The following WDR47 variants were observed in gnomAD, a reference collection of about 807,000 sequenced individuals.
WDR47 encodes WD repeat domain 47.
Under a neutral mutation model 97.2 loss-of-function variants are expected in WDR47, and 32 were observed. That is an observed-to-expected ratio of 0.33 (90% CI 0.25 to 0.44). The LOEUF is 0.44. Among genes scored for constraint, WDR47 ranks in the 20% least tolerant of loss-of-function variants. The pLI is 1.00. For missense variants in WDR47, 782 were observed against 1,102.3 expected (o/e 0.71, Z 4.11); for synonymous variants, 375 against 373.5 (o/e 1.00, Z -0.05).
At chr1:108,982,457 A>G in intron 12 of WDR47, 152 bp downstream of exon 12, 1 of 830,232 alleles carries the variant, frequency 1.2e-6, no homozygotes, top group Non-Finnish European at 1.8e-6. Context: ...ACTTGACCTC[A>G]GGAGGTTGAG....
At chr1:108,988,702 C>G (rs1010925496) in intron 9 of WDR47, among the ~76,000 whole-genome samples, 3 of 151,950 alleles carry the variant, frequency 2.0e-5, no homozygotes, top group African/African-American at 7.2e-5. Context: ...AATAAATAAA[C>G]AAACATCCCT....
intron 1 of WDR47, among the ~76,000 whole-genome samples, chr1:109,034,771 T>C (rs1354333301): frequency 6.6e-6 from 1 of 152,198 alleles, no homozygotes; most frequent in Non-Finnish European, 1.5e-5. Flanking sequence ...AACCAGTACC[T>C]GGTGCCAAAA....
At chr1:108,982,550 G>GA (rs1228252017) in intron 12 of WDR47, 59 bp downstream of exon 12, 46 of 1,523,690 alleles carry the variant, frequency 3.0e-5, no homozygotes, top group South Asian at 5.3e-5. Context: ...ATGCAGAGAG[G>GA]AAAAAAAAGC....
In WDR47 at chr1:108,971,068, A is replaced by C. The variant is rs112609892; in HGVS notation, c.*362T>G. On this transcript the variant is annotated 3_prime_UTR_variant, in exon 15 of 15. Transcript: ENST00000369962. Reference sequence around the variant, plus strand: ...AATAATATAGTTGAAGTATAATTCCATTTCAATGTGCATATAAAACTGTTA... The same window carrying C: ...AATAATATAGTTGAAGTATAATTCCCTTTCAATGTGCATATAAAACTGTTA... The C allele has an allele frequency of 5.8e-4, 101 of 173,352 alleles. No homozygotes were observed. Among genetic ancestry groups the C allele is most frequent in the Middle Eastern group, 2.7e-3 (1 of 372 alleles). 10.7% of individuals were successfully genotyped at this position (173,352 alleles called of 1,614,324 possible). A position where few individuals can be genotyped will look rare whatever the true frequency, so the allele number is the denominator to read the frequency against.
In WDR47 at chr1:109,031,447, A is replaced by G. The variant is rs1301419293; in HGVS notation, c.-9-7926T>C. On this transcript the variant is annotated intron_variant, in intron 1 of 14. Coordinates refer to ENST00000369962, the MANE Select transcript of WDR47 (RefSeq NM_001142551.2). ...TTGGTGATACTGGTTGTATCCTAGA[A>G]GGAAAACTAGATAAGAATAGAAATG... Among the ~76,000 whole-genome samples the G allele has an allele frequency of 1.4e-5, 2 of 139,722 alleles. 1 individual carries two copies. Among genetic ancestry groups the G allele is most frequent in the Non-Finnish European group, 3.2e-5 (2 of 62,828 alleles). The allele number at this position is 139,722 out of a possible 152,430, so 91.7% of individuals were successfully genotyped here. A position where few individuals can be genotyped will look rare whatever the true frequency, so the allele number is the denominator to read the frequency against.
At position 109,017,576 on chromosome 1, in the gene WDR47, C is replaced by T; in HGVS notation, c.184G>A (p.Asp62Asn). 5.6e-6 allele frequency: 9 copies of T among 1,612,168 alleles called. No individual in the cohort carries two copies. Among genetic ancestry groups the T allele is most frequent in the South Asian group, 1.1e-5 (1 of 90,618 alleles). Reference sequence around the variant, plus strand: ...GGCTGAATGAACTGAAGAACTTCATCCCATTGACCATCAAGTATTAGCTGC... The same window carrying T: ...GGCTGAATGAACTGAAGAACTTCATTCCATTGACCATCAAGTATTAGCTGC... ...LRQLILDGQWDEVLQFIQPLE... is the reference protein window; with the variant it reads ...LRQLILDGQWNEVLQFIQPLE... Residue 62 changes from aspartate (D) to asparagine (N), a missense_variant, in exon 3 of 15, where the codon GAT becomes AAT. Asp to Asn is a conservative substitution (Grantham distance 23). This residue lies in a region of WDR47 where 428 missense variants were observed against 584.3 expected (regional missense o/e 0.73). Coordinates refer to ENST00000369962, the MANE Select transcript of WDR47 (RefSeq NM_001142551.2).
rs775736515 is a variant in WDR47 at position 108,995,844 on chromosome 1, A to G, written c.1434-7T>C. ...ACCAAGCTTTTGAATGGACCTATAA[A>G]ATTAAACAATGTAATCATTTTAAAA... On this transcript the variant is annotated splice_polypyrimidine_tract_variant and splice_region_variant and intron_variant, in intron 7 of 14. Transcript: ENST00000369962. The G allele has an allele frequency of 6.2e-7, 1 of 1,610,788 alleles. No individual in the cohort carries two copies. Among genetic ancestry groups the G allele is most frequent in the South Asian group, 1.1e-5 (1 of 90,732 alleles).
At position 108,970,374 on chromosome 1, in the gene WDR47, CTATT is replaced by C. The variant is rs1181509224; in HGVS notation, c.*1052_*1055del. 1 of 152,142 alleles carries C rather than the reference CTATT, an allele frequency of 6.6e-6. No individual in the cohort carries two copies. Among genetic ancestry groups the C allele is most frequent in the Non-Finnish European group, 1.5e-5 (1 of 67,964 alleles). The allele number at this position is 152,142 out of a possible 1,614,324, so 9.4% of individuals were successfully genotyped here. A position where few individuals can be genotyped will look rare whatever the true frequency, so the allele number is the denominator to read the frequency against. On this transcript the variant is annotated 3_prime_UTR_variant, in exon 15 of 15. Coordinates refer to ENST00000369962, the MANE Select transcript of WDR47 (RefSeq NM_001142551.2). ...CTGCATTTGAAATAAATAAAATAGC[CTATT>C]TAAATAATTTAAAGTAAAATTACTG...
intron 2 of WDR47, 73 bp from the exon 3 acceptor site, chr1:109,017,674 CAA>C: frequency 1.8e-6 from 2 of 1,109,916 alleles, no homozygotes; most frequent in Non-Finnish European, 2.7e-6. Context: ...GAACAGATGA[CAA>C]AACAGCATTC....
chr1:108,978,204 G>A (rs539350933), intron 13 of WDR47, among the ~76,000 whole-genome samples: 2 of 149,744 alleles, frequency 1.3e-5, no homozygotes, highest in East Asian at 1.9e-4. Context: ...GGCCAGGCAC[G>A]GTGGCTCACG....
At chr1:108,980,458 GT>G (rs1204317641) in intron 13 of WDR47, among the ~76,000 whole-genome samples, 1 of 152,168 alleles carries the variant, frequency 6.6e-6, no homozygotes, top group Admixed American at 6.5e-5. Context: ...ACCAGGCGTG[GT>G]AGCTCACACC....
In WDR47 at chr1:108,974,624, A is replaced by G. The variant is rs185973202; in HGVS notation, c.2529T>C (p.Ser843=). 10 of 1,614,138 alleles carry G rather than the reference A, an allele frequency of 6.2e-6. No homozygotes were observed. Among genetic ancestry groups the G allele is most frequent in the Admixed American group, 1.7e-5 (1 of 60,024 alleles). The change falls in exon 14 of 15, where the codon AGT becomes AGC. Residue 843 remains serine, a synonymous_variant. Coordinates refer to ENST00000369962, the MANE Select transcript of WDR47 (RefSeq NM_001142551.2). ...GGGAGAATCGAACAGAGCGAACATC[A>G]CTGGAATGAGGATGATAACTTTGTA... ...RMVQSYHPHS[S]DVRSVRFSPG...
intron 13 of WDR47, among the ~76,000 whole-genome samples, chr1:108,979,397 G>T (rs1571139062): frequency 3.9e-5 from 6 of 152,318 alleles, no homozygotes; most frequent in East Asian, 1.9e-4. Flanking sequence ...AGGGTGGTGT[G>T]TGCCTATGGT....
At chr1:109,000,038 C>T (rs1022473679) in intron 7 of WDR47, among the ~76,000 whole-genome samples, 1 of 152,118 alleles carries the variant, frequency 6.6e-6, no homozygotes, top group African/African-American at 2.4e-5. Flanking sequence ...ACTCTTGAGA[C>T]CACCAGTTTA....
At chr1:109,004,243 C>T (rs1265967311) in intron 6 of WDR47, among the ~76,000 whole-genome samples, 4 of 149,532 alleles carry the variant, frequency 2.7e-5, no homozygotes, top group East Asian at 2.0e-4. Flanking sequence ...CCAGCCTGGG[C>T]GACAGAACAA....
rs373339938 is a variant in WDR47, at chr1:108,971,212, A to T, written c.*218T>A. The T allele has an allele frequency of 5.4e-6, 3 of 556,592 alleles. No individual in the cohort carries two copies. The highest frequency in any genetic ancestry group is 4.8e-4 in the Middle Eastern group (1 of 2,068). 34.5% of individuals were successfully genotyped at this position (556,592 alleles called of 1,614,324 possible). On this transcript the variant is annotated 3_prime_UTR_variant, in exon 15 of 15. Transcript: ENST00000369962. The stretch of plus-strand genomic sequence containing the variant: ...CTGCAGACTTTGGCAACGAGACTAC[A>T]TATAGCAGGTCACAGCAGCACGAGC...
chr1:108,994,181 AG>A (rs962294456), intron 8 of WDR47, among the ~76,000 whole-genome samples: 1 of 152,088 alleles, frequency 6.6e-6, no homozygotes, highest in African/African-American at 2.4e-5. Flanking sequence ...GCGAATCATG[AG>A]GTCAGGAGTT....
At position 109,013,918 on chromosome 1, in the gene WDR47, A is replaced by G; in HGVS notation, c.250T>C (p.Tyr84His). 3 of 1,608,774 alleles carry G rather than the reference A, an allele frequency of 1.9e-6. No homozygotes were observed. Among genetic ancestry groups the G allele is most frequent in the Non-Finnish European group, 2.5e-6 (3 of 1,178,760 alleles). ...MEKFDKKRFRYIILKQKFLEA... is the reference protein window; with the variant it reads ...MEKFDKKRFRHIILKQKFLEA... ...AAAAACTTCTGCTTCAGGATAATAT[A>G]ACGAAACCTGTGGGAAAAAAATGAA... Residue 84 changes from tyrosine to histidine, a missense_variant, in exon 4 of 15, where the codon TAT (tyrosine) becomes CAT (histidine). Physicochemically the swap from Tyr to His is moderately conservative, Grantham distance 83 (BLOSUM62 2). Coordinates refer to ENST00000369962, the MANE Select transcript of WDR47 (RefSeq NM_001142551.2).
In WDR47 at chr1:109,002,316, C is replaced by T. The variant is rs769051505; in HGVS notation, c.1341G>A (p.Arg447=). The change falls in exon 7 of 15, where the codon CGG becomes CGA. Residue 447 remains arginine, a synonymous_variant. Coordinates refer to ENST00000369962, the MANE Select transcript of WDR47 (RefSeq NM_001142551.2). ...QQHLEQKEQQ[R]QIYQQMLLEG... is the part of the protein sequence containing the mutation. ...CAAGCAACATCTGTTGGTATATCTG[C>T]CGCTGTTGCTCCTTCTGTTCTAAAT... 1.2e-6 allele frequency: 2 copies of T among 1,613,220 alleles called. No homozygotes were observed. The highest frequency in any genetic ancestry group is 1.7e-5 in the Admixed American group (1 of 59,962).
Sources: gnomAD v4.1 joint callset for allele counts (sites outside exome capture counted in the v4.1 genomes callset) on GRCh38, gnomAD v4.1.1 for gene constraint, gnomAD v4.1.1 regional missense constraint, MANE v1.5 for transcripts, NCBI Gene and HGNC (gene_info 2026-07-23, HGNC 2026-07-21) for gene names.